FERRY3: variants seen among roughly 807,000 people sequenced by gnomAD.
The protein encoded by FERRY3 is FERRY endosomal RAB5 effector complex subunit 3, also known as protein C12orf4.
At chr12:4,530,033 T>C in the FERRY3 span, 1 of 1,612,652 alleles carries the variant, frequency 6.2e-7, no homozygotes. Context: ...CTTCAGGCCT[T>C]GCATGCTCTA....
chr12:4,506,493 T>C, the FERRY3 span, among the ~76,000 whole-genome samples: 1 of 152,214 alleles, frequency 6.6e-6, no homozygotes, highest in Non-Finnish European at 1.5e-5. Context: ...TAATGAATTA[T>C]CGTTTCTAAT....
the FERRY3 span, chr12:4,505,272 A>G: frequency 1.5e-6 from 2 of 1,364,796 alleles, no homozygotes; most frequent in South Asian, 1.2e-5. Flanking sequence ...TTGGTATAAG[A>G]AAACAGTAAT....
the FERRY3 span, among the ~76,000 whole-genome samples, chr12:4,533,055 T>G: frequency 1.3e-5 from 2 of 152,228 alleles, no homozygotes; most frequent in Non-Finnish European, 2.9e-5. Context: ...TTTTTATACC[T>G]ACTGCCTCAT....
At chr12:4,536,662 G>A in the FERRY3 span, among the ~76,000 whole-genome samples, 1 of 152,228 alleles carries the variant, frequency 6.6e-6, no homozygotes, top group Non-Finnish European at 1.5e-5. Context: ...AGATCCGACT[G>A]GGGGAAGGGG....
At chr12:4,525,680 A>C in the FERRY3 span, 1 of 860,040 alleles carries the variant, frequency 1.2e-6, no homozygotes, top group Non-Finnish European at 1.7e-6. Context: ...TGAAAATAAA[A>C]AATTTATTTT....
At chr12:4,491,116 C>G in the FERRY3 span, 2 of 1,504,374 alleles carry the variant, frequency 1.3e-6, no homozygotes, top group African/African-American at 2.8e-5. Context: ...CTGGGTTGCT[C>G]TACTTTCAAT....
At chr12:4,503,729 T>C in the FERRY3 span, among the ~76,000 whole-genome samples, 1 of 152,206 alleles carries the variant, frequency 6.6e-6, no homozygotes, top group Non-Finnish European at 1.5e-5. Flanking sequence ...TGTTCTGTGA[T>C]ACAAACACTA....
chr12:4,507,750 C>T, the FERRY3 span, among the ~76,000 whole-genome samples: 5 of 152,044 alleles, frequency 3.3e-5, no homozygotes, highest in Admixed American at 2.0e-4. Context: ...TGGACTGATA[C>T]GAAATGACCT....
chr12:4,490,050 T>C, the FERRY3 span: 4 of 565,054 alleles, frequency 7.1e-6, no homozygotes, highest in Non-Finnish European at 1.2e-5. Context: ...TGTAACTGCA[T>C]GGCCATGGAC....
the FERRY3 span, chr12:4,534,045 G>A: frequency 2.2e-5 from 26 of 1,159,170 alleles, no homozygotes; most frequent in South Asian, 4.1e-4. Flanking sequence ...ATAGAATATT[G>A]TATGTGGAGA....
chr12:4,492,655 C>A, the FERRY3 span, among the ~76,000 whole-genome samples: 9 of 152,142 alleles, frequency 5.9e-5, no homozygotes, highest in African/African-American at 9.7e-5. Context: ...TATTCCAGTT[C>A]TTCACCTATC....
the FERRY3 span, chr12:4,488,137 T>C: frequency 7.2e-5 from 11 of 152,230 alleles, no homozygotes; most frequent in Non-Finnish European, 1.5e-4. The surrounding 1 kb of genome is among the most constrained non-coding windows in gnomAD (Gnocchi z 4.9). Context: ...GGACATTCGA[T>C]AAATTTATCC....
chr12:4,536,102 T>C, the FERRY3 span: 5 of 1,610,738 alleles, frequency 3.1e-6, no homozygotes, highest in African/African-American at 1.3e-5. Flanking sequence ...GAAATTTGAG[T>C]GGCACTCTCA....
chr12:4,527,521 G>A, the FERRY3 span, among the ~76,000 whole-genome samples: 2 of 152,120 alleles, frequency 1.3e-5, no homozygotes, highest in African/African-American at 4.8e-5. Flanking sequence ...ATGCTGTGCC[G>A]AGAAACTGTC....
the FERRY3 span, among the ~76,000 whole-genome samples, chr12:4,514,795 G>A: frequency 1.3e-5 from 2 of 151,420 alleles, no homozygotes; most frequent in Middle Eastern, 3.2e-3. Flanking sequence ...GCTAGATGAC[G>A]AGTTAGTGGG....
At chr12:4,530,190 ATGTG>A in the FERRY3 span, 5 of 700,734 alleles carry the variant, frequency 7.1e-6, no homozygotes, top group African/African-American at 9.4e-5. Flanking sequence ...GTGTAAATAT[ATGTG>A]TGTGTATTAT....
the FERRY3 span, among the ~76,000 whole-genome samples, chr12:4,534,962 C>A: frequency 6.6e-6 from 1 of 152,166 alleles, no homozygotes; most frequent in African/African-American, 2.4e-5. Flanking sequence ...TTTTGAAGGT[C>A]TGAACATTAC....
At chr12:4,528,924 CACACACACACACACAA>C in the FERRY3 span, among the ~76,000 whole-genome samples, 5 of 146,446 alleles carry the variant, frequency 3.4e-5, no homozygotes, top group Non-Finnish European at 5.9e-5. Context: ...CACACACACA[CACACACACACACACAA>C]ACAAAAGTGA....
the FERRY3 span, among the ~76,000 whole-genome samples, chr12:4,496,366 T>C: frequency 3.9e-5 from 6 of 152,184 alleles, no homozygotes; most frequent in South Asian, 2.1e-4. Flanking sequence ...ATATATGATA[T>C]AATAGATGGT....
Sources: gnomAD v4.1 joint callset for allele counts (sites outside exome capture counted in the v4.1 genomes callset) on GRCh38, gnomAD v4.1.1 for gene constraint, Gnocchi (gnomAD v3.1) non-coding constraint, MANE v1.5 for transcripts, NCBI Gene and HGNC (gene_info 2026-07-23, HGNC 2026-07-21) for gene names.